INPP4B: variants seen among roughly 807,000 people sequenced by gnomAD.
INPP4B encodes the protein inositol polyphosphate 4-phosphatase type II.
In INPP4B, 55 loss-of-function variants were observed where a neutral mutation model predicts 122.5. That is an observed-to-expected ratio of 0.45 (90% CI 0.36 to 0.56). The LOEUF (loss-of-function observed/expected upper bound fraction) is 0.56, where lower values mean the gene tolerates loss of function less well. Ranked by LOEUF, INPP4B falls within the 20% of genes least tolerant of loss-of-function variation. The pLI is 0.00. For synonymous variants in INPP4B, 403 were observed against 388.7 expected (o/e 1.04, Z -0.43); for missense variants, 1,000 against 1,097.7 (o/e 0.91, Z 1.26).
intron 9 of INPP4B, among the ~76,000 whole-genome samples, chr4:142,274,720 C>T (rs1747548313): frequency 6.6e-6 from 1 of 151,728 alleles, no homozygotes; most frequent in Non-Finnish European, 1.5e-5. Context: ...CTTACCTTTC[C>T]TAGCAATTCA....
chr4:142,536,929 T>C (rs1828269660), intron 2 of INPP4B, among the ~76,000 whole-genome samples: 1 of 152,118 alleles, frequency 6.6e-6, no homozygotes, highest in African/African-American at 2.4e-5. Flanking sequence ...CCCAAGTAGC[T>C]GGGGCTACAG....
chr4:142,413,401 G>C (rs2149258816), intron 5 of INPP4B, among the ~76,000 whole-genome samples: 1 of 152,192 alleles, frequency 6.6e-6, no homozygotes, highest in African/African-American at 2.4e-5. Flanking sequence ...TAAACTAAAT[G>C]AGTGAATAAA....
At chr4:142,403,541 ATT>A (rs566540499) in intron 6 of INPP4B, among the ~76,000 whole-genome samples, 1 of 150,268 alleles carries the variant, frequency 6.7e-6, no homozygotes, top group African/African-American at 2.4e-5. Flanking sequence ...TTCAGCTATG[ATT>A]TTTTTTTTCC....
At chr4:142,412,272 G>A (rs1167844664) in intron 5 of INPP4B, among the ~76,000 whole-genome samples, 2 of 152,002 alleles carry the variant, frequency 1.3e-5, no homozygotes, top group Non-Finnish European at 2.9e-5. Context: ...CACTTAAAAA[G>A]CCTAATAGCC....
At chr4:142,418,127 G>A (rs1309349481) in intron 5 of INPP4B, among the ~76,000 whole-genome samples, 1 of 151,898 alleles carries the variant, frequency 6.6e-6, no homozygotes, top group Non-Finnish European at 1.5e-5. Flanking sequence ...GATTCTTCTT[G>A]TCAATTTTCT....
intron 1 of INPP4B, among the ~76,000 whole-genome samples, chr4:142,841,858 T>A (rs1438622412): frequency 6.6e-6 from 1 of 151,914 alleles, no homozygotes; most frequent in Admixed American, 6.6e-5. Context: ...TCTCGCAAAC[T>A]TTTCTATCCT....
At position 142,070,698 on chromosome 4, in the gene INPP4B, C is replaced by A. The variant is rs187878914; in HGVS notation, c.2642+11333G>T. ...AGCATTCCTATACACCAATAATAGA[C>A]AGACAGAGAGCCAAATTATGAGTGA... On this transcript the variant is annotated intron_variant, in intron 25 of 25. Coordinates refer to ENST00000262992, the MANE Select transcript of INPP4B (RefSeq NM_001101669.3). Among the ~76,000 whole-genome samples, 446 of 152,222 alleles carry A rather than the reference C, an allele frequency of 2.9e-3. 1 individual carries two copies. Among genetic ancestry groups the A allele is most frequent in the African/African-American group, 0.01 (429 of 41,554 alleles).
chr4:142,628,378 A>G (rs1366307729), intron 2 of INPP4B, among the ~76,000 whole-genome samples: 1 of 133,436 alleles, frequency 7.5e-6, no homozygotes, highest in East Asian at 2.4e-4. Context: ...ACATGGACAC[A>G]GGAAGGGGAA....
At chr4:142,718,410 G>A (rs1764081343) in intron 2 of INPP4B, among the ~76,000 whole-genome samples, 1 of 152,168 alleles carries the variant, frequency 6.6e-6, no homozygotes, top group Non-Finnish European at 1.5e-5. Flanking sequence ...TACGAAGAAA[G>A]TGGCAGACTG....
intron 5 of INPP4B, among the ~76,000 whole-genome samples, chr4:142,428,159 C>CA (rs1213170341): frequency 6.6e-6 from 1 of 150,808 alleles, no homozygotes; most frequent in Non-Finnish European, 1.5e-5. Flanking sequence ...ATATTTTCAG[C>CA]AAAAAATATA....
chr4:142,193,688 C>G (rs1836966040), intron 14 of INPP4B, among the ~76,000 whole-genome samples: 1 of 152,108 alleles, frequency 6.6e-6, no homozygotes, highest in African/African-American at 2.4e-5. Context: ...AGAGTACTTT[C>G]CTGATTGTGT....
In INPP4B at chr4:142,431,490, C is replaced by A. The variant is rs954280135; in HGVS notation, c.-126-105G>T. The A allele has an allele frequency of 7.6e-6, 4 of 524,328 alleles. No homozygotes were observed. In the African/African-American group the frequency reaches 7.7e-5, roughly 10 times the overall value. 32.5% of individuals were successfully genotyped at this position (524,328 alleles called of 1,614,324 possible). A position where few individuals can be genotyped will look rare whatever the true frequency, so the allele number is the denominator to read the frequency against. ...CAACTACATTCAAATAAACTTTCTT[C>A]CTGCCTACTCCACTCATACTTTCAG... On this transcript the variant is annotated intron_variant, in intron 3 of 25. Coordinates refer to ENST00000262992, the MANE Select transcript of INPP4B (RefSeq NM_001101669.3).
intron 2 of INPP4B, among the ~76,000 whole-genome samples, chr4:142,531,184 T>C (rs1420584538): frequency 2.0e-5 from 3 of 151,616 alleles, no homozygotes; most frequent in Non-Finnish European, 4.4e-5. Flanking sequence ...ATAGATATAC[T>C]AATAGATTGA....
chr4:142,542,392 G>A (rs913812596), intron 2 of INPP4B, among the ~76,000 whole-genome samples: 1 of 152,010 alleles, frequency 6.6e-6, no homozygotes, highest in East Asian at 1.9e-4. Context: ...ATTCTTCCCT[G>A]TTATAGGAAA....
intron 1 of INPP4B, among the ~76,000 whole-genome samples, chr4:142,728,714 G>T (rs998423463): frequency 1.1e-4 from 17 of 152,134 alleles, no homozygotes; most frequent in Non-Finnish European, 2.4e-4. Context: ...AGCAACATCA[G>T]AAACTAAAAG....
chr4:142,673,454 A>G (rs1295181486), intron 2 of INPP4B, among the ~76,000 whole-genome samples: 6 of 151,560 alleles, frequency 4.0e-5, no homozygotes, highest in African/African-American at 1.5e-4. Flanking sequence ...TAATGTCTTC[A>G]GTCCTAATTG....
intron 18 of INPP4B, 130 bp downstream of exon 18, chr4:142,145,710 G>C: frequency 1.2e-6 from 1 of 854,170 alleles, no homozygotes; most frequent in South Asian, 1.8e-5. Context: ...AGCCAGAGCA[G>C]TGGAAAAGCA....
intron 2 of INPP4B, among the ~76,000 whole-genome samples, chr4:142,558,665 G>C (rs1729752039): frequency 6.6e-6 from 1 of 151,276 alleles, no homozygotes; most frequent in Non-Finnish European, 1.5e-5. Context: ...TGGGGGGGCA[G>C]TGTGGGGAAA....
At chr4:142,499,546 A>G (rs1325635085) in intron 2 of INPP4B, among the ~76,000 whole-genome samples, 2 of 152,184 alleles carry the variant, frequency 1.3e-5, no homozygotes, top group Admixed American at 6.5e-5. Flanking sequence ...ATTATGAGAT[A>G]ATTTTGCATT....
Sources: allele counts gnomAD v4.1 joint callset (sites outside exome capture counted in the v4.1 genomes callset), GRCh38; gene constraint gnomAD v4.1.1; transcripts MANE v1.5; gene names NCBI Gene and HGNC (gene_info 2026-07-23, HGNC 2026-07-21).